The following TTN variants were observed in gnomAD, a reference collection of about 807,000 sequenced individuals.
TTN encodes titin.
TTN carries 1,525 observed loss-of-function variants against 3,223.0 expected under a neutral mutation model. That is an observed-to-expected ratio of 0.47 (90% CI 0.45 to 0.49). The LOEUF is 0.49. TTN is among the 20% of genes least tolerant of loss of function. TTN has a pLI of 0.00. For synonymous variants in TTN, 14,094 were observed against 15,161.0 expected, an observed-to-expected ratio of 0.93 and a Z score of 5.17; for missense variants, 40,786 against 43,424.0, an observed-to-expected ratio of 0.94 and a Z score of 5.40.
In TTN at chr2:178,766,424, A is replaced by G. The variant is rs879006836; in HGVS notation, c.9660T>C (p.Phe3220=). The change falls in exon 41 of 363, where the codon TTT becomes TTC. Residue 3220 remains phenylalanine (F), a synonymous_variant. Coordinates refer to ENST00000589042, the MANE Select transcript of TTN (RefSeq NM_001267550.2). ...CAGAACTCCTGTTCCTTCCTGCCAC[A>G]AAGGTGTATTCTCCTGCATCGCTCT... ...TRQSDAGEYT[F]VAGRNRSSVT... The G allele has an allele frequency of 6.2e-7, 1 of 1,614,028 alleles. No individual in the cohort carries two copies. The highest frequency in any genetic ancestry group is 1.3e-5 in the African/African-American group (1 of 74,936).
Position 178,759,031 on chromosome 2 carries a change from C to T in TTN, c.10256G>A (p.Ser3419Asn), listed in dbSNP as rs2291310. The T allele has an allele frequency of 0.9, 1,454,034 of 1,613,868 alleles. 659,693 individuals are homozygous for T. Among genetic ancestry groups the T allele is most frequent in the Non-Finnish European group, 0.93 (1,098,831 of 1,179,896 alleles). The change falls in exon 44 of 363, where the codon AGT (serine) becomes AAT (asparagine). Residue 3419 changes from serine to asparagine, a missense_variant. By Grantham distance (46) the Ser-to-Asn change is conservative (BLOSUM62 1). Coordinates refer to ENST00000589042, the MANE Select transcript of TTN (RefSeq NM_001267550.2). ...GCTTGATACTTGGCCTACAGCATTA[C>T]TAGCAACAAACGTGTAAGTTCCTTC... ...EDEGTYTFVA[S>N]NAVGQVSSTA...
In TTN at chr2:178,605,631, A is replaced by C; in HGVS notation, c.53664T>G (p.Ser17888Arg). 6.2e-7 allele frequency: 1 copy of C among 1,612,046 alleles called. No homozygotes were observed. The highest frequency in any genetic ancestry group is 8.5e-7 in the Non-Finnish European group (1 of 1,178,682). Residue 17888 changes from serine (S) to arginine (R), a missense_variant, in exon 279 of 363, where the codon AGT becomes AGG. Transcript: ENST00000589042. Reference protein sequence around the residue: ...TITLDWKEPRSNGGSPIQGYI... With the variant: ...TITLDWKEPRRNGGSPIQGYI... ...ATCCTTGGATGGGACTGCCACCATT[A>C]CTGCGGGGCTCTTTCCAGTCAAGTG...
rs1336451083 is a variant in TTN at position 178,554,434 on chromosome 2, T to C, written c.88894+19A>G. 1 of 1,605,918 alleles carries C rather than the reference T, an allele frequency of 6.2e-7. No individual in the cohort carries two copies. Among genetic ancestry groups the C allele is most frequent in the East Asian group, 2.2e-5 (1 of 44,606 alleles). ...TTAAATTTTTCACGTTTCAGTTTTC[T>C]AATGAAATCATGTCTCACCAAATGC... is the stretch of plus-strand genomic sequence containing the variant. On this transcript the variant is annotated intron_variant, in intron 332 of 362. Coordinates refer to ENST00000589042, the MANE Select transcript of TTN (RefSeq NM_001267550.2).
chr2:178,768,131 T>C lies in TTN; in HGVS notation c.9188A>G (p.His3063Arg), dbSNP rs762023362. 2.5e-6 allele frequency: 4 copies of C among 1,614,104 alleles called. No individual in the cohort carries two copies. Among genetic ancestry groups the C allele is most frequent in the Admixed American group, 1.7e-5 (1 of 60,016 alleles). The change falls in exon 39 of 363, where the codon CAC becomes CGC. Residue 3063 changes from histidine (H) to arginine (R), a missense_variant. His to Arg is a conservative substitution (Grantham distance 29). Coordinates refer to ENST00000589042, the MANE Select transcript of TTN (RefSeq NM_001267550.2). ...CTCCAGTACCTTAATGTCCTTAATG[T>C]GTTTCCTAAATTCTATATGACGAGC... ...VEARHIEFRK[H>R]IKDIKVLEKK...
At position 178,672,437 on chromosome 2, in the gene TTN, G is replaced by A. The variant is rs2067171336; in HGVS notation, c.34900C>T (p.Pro11634Ser). ...KKVPEKKVLV[P>S]KKEAVPPAKG... Reference sequence around the variant, plus strand: ...GCTGGGGGAACAGCTTCCTTTTTAGGCACAAGGACTTTCTTTTCTGGGACT... The same window carrying A: ...GCTGGGGGAACAGCTTCCTTTTTAGACACAAGGACTTTCTTTTCTGGGACT... The change falls in exon 154 of 363, where the codon CCT (proline) becomes TCT (serine). Residue 11634 changes from proline (P) to serine (S), a missense_variant. By Grantham distance (74) the Pro-to-Ser change is moderately conservative. Transcript: ENST00000589042. 1 of 1,596,844 alleles carries A rather than the reference G, an allele frequency of 6.3e-7. No homozygotes were observed. The highest frequency in any genetic ancestry group is 1.2e-5 in the South Asian group (1 of 86,430).
intron 33 of TTN, among the ~76,000 whole-genome samples, chr2:178,772,309 T>C (rs1445712291): frequency 1.3e-5 from 2 of 152,184 alleles, no homozygotes; most frequent in African/African-American, 2.4e-5. Context: ...GAAACTTTCA[T>C]ACCAAATAAG....
intron 40 of TTN, among the ~76,000 whole-genome samples, chr2:178,767,142 G>C (rs539828701): frequency 2.0e-5 from 3 of 152,118 alleles, no homozygotes; most frequent in Non-Finnish European, 4.4e-5. Context: ...TGTAAAGCCT[G>C]GTTTTCTTTG....
chr2:178,598,348 T>A (rs967351510), intron 292 of TTN, among the ~76,000 whole-genome samples, 158 bp downstream of exon 292: 1 of 152,138 alleles, frequency 6.6e-6, no homozygotes, highest in Non-Finnish European at 1.5e-5. Context: ...TTGATTCGAT[T>A]TCTGACATTA....
intron 216 of TTN, among the ~76,000 whole-genome samples, 161 bp downstream of exon 216, chr2:178,646,324 C>A (rs1032156021): frequency 6.6e-6 from 1 of 150,994 alleles, no homozygotes; most frequent in Non-Finnish European, 1.5e-5. Flanking sequence ...AGAAACAGTA[C>A]AAGTTACATG....
intron 236 of TTN, among the ~76,000 whole-genome samples, 158 bp downstream of exon 236, chr2:178,631,989 T>C (rs1239665452): frequency 3.3e-5 from 5 of 152,092 alleles, no homozygotes; most frequent in Admixed American, 3.3e-4. Context: ...GAAGGTAAAG[T>C]GTTTTAGAAA....
chr2:178,577,127 A>G lies in TTN; in HGVS notation c.69208T>C (p.Ser23070Pro). Residue 23070 changes from serine (S) to proline (P), a missense_variant, in exon 324 of 363, where the codon TCA becomes CCA. Ser to Pro is a moderately conservative substitution (Grantham distance 74). Coordinates refer to ENST00000589042, the MANE Select transcript of TTN (RefSeq NM_001267550.2). ...TWTPPLEDGGSPIKSYILEKR... is the reference protein window; with the variant it reads ...TWTPPLEDGGPPIKSYILEKR... ...TCAAGTATATAGGACTTAATTGGTG[A>G]GCCGCCATCTTCCAAGGGAGGTGTC... is the stretch of plus-strand genomic sequence containing the variant. 2 of 1,613,198 alleles carry G rather than the reference A, an allele frequency of 1.2e-6. No individual in the cohort carries two copies. The highest frequency in any genetic ancestry group is 1.1e-5 in the South Asian group (1 of 91,050).
chr2:178,654,135 A>C, intron 193 of TTN, 40 bp from the exon 194 acceptor site: 3 of 1,595,176 alleles, frequency 1.9e-6, no homozygotes, highest in Non-Finnish European at 1.7e-6. Context: ...ATGAATGGCG[A>C]AGGTATATAT....
intron 126 of TTN, 149 bp downstream of exon 126, chr2:178,688,528 G>A (rs967666711): frequency 1.5e-6 from 1 of 658,950 alleles, no homozygotes; most frequent in African/African-American, 1.8e-5. Flanking sequence ...GTCCCAGAAG[G>A]CTACAAAAGG....
At chr2:178,685,709 G>A in intron 127 of TTN, 111 bp from the exon 128 acceptor site, 2 of 981,560 alleles carry the variant, frequency 2.0e-6, no homozygotes, top group Non-Finnish European at 3.0e-6. Flanking sequence ...TTTAACCCTT[G>A]CCAAACCCCT....
In TTN at chr2:178,618,939, T is replaced by C. The variant is rs185172355; in HGVS notation, c.46697-86A>G. 1.8e-4 allele frequency: 267 copies of C among 1,506,972 alleles called. 1 individual carries two copies. The highest frequency in any genetic ancestry group is 3.1e-5 in the Non-Finnish European group (35 of 1,131,202). 93.4% of individuals were successfully genotyped at this position (1,506,972 alleles called of 1,614,324 possible). On this transcript the variant is annotated intron_variant, in intron 250 of 362. Coordinates refer to ENST00000589042, the MANE Select transcript of TTN (RefSeq NM_001267550.2). ...GTTATTATGCATTTATTAGAAAATA[T>C]TGGTTACATAACCTTGGAAGTAAGC...
rs867642789 is a variant in TTN at position 178,719,658 on chromosome 2, G to C, written c.23834C>G (p.Ser7945Cys). ...HHITFINKVASLKIPCAEMSD... is the reference protein window; with the variant it reads ...HHITFINKVACLKIPCAEMSD... ...CATTTCGGCACAGGGGATTTTAAGGGAAGCCACTTTATTGATGAATGTAAT... is the reference window on the plus strand; with the variant it reads ...CATTTCGGCACAGGGGATTTTAAGGCAAGCCACTTTATTGATGAATGTAAT... The change falls in exon 82 of 363, where the codon TCC (serine) becomes TGC (cysteine). Residue 7945 changes from serine (S) to cysteine (C), a missense_variant. Transcript: ENST00000589042. 1.1e-5 allele frequency: 18 copies of C among 1,613,576 alleles called. No individual in the cohort carries two copies. In the East Asian group the frequency reaches 4.0e-4, roughly 36 times the overall value.
intron 47 of TTN, chr2:178,750,588 G>C (rs760239025): frequency 1.2e-6 from 2 of 1,612,268 alleles, no homozygotes; most frequent in South Asian, 2.2e-5. Context: ...CGTTGTGGGC[G>C]TTTTCGAAAA....
chr2:178,649,796 T>C (rs764898260), intron 211 of TTN, 21 bp downstream of exon 211: 6 of 1,600,748 alleles, frequency 3.7e-6, no homozygotes, highest in Non-Finnish European at 5.1e-6. Flanking sequence ...AAAAATGAAG[T>C]ATTCATTTTA....
chr2:178,549,561 C>T lies in TTN; in HGVS notation c.92152+9G>A. Reference sequence around the variant, plus strand: ...GACATAGTACCGCTTAGTAAAAACGCAAACTTACTATATTGTATTTGAGCA... The same window carrying T: ...GACATAGTACCGCTTAGTAAAAACGTAAACTTACTATATTGTATTTGAGCA... On this transcript the variant is annotated intron_variant, in intron 338 of 362. Transcript: ENST00000589042. 9.3e-6 allele frequency: 15 copies of T among 1,606,682 alleles called. No individual in the cohort carries two copies. Among genetic ancestry groups the T allele is most frequent in the Non-Finnish European group, 1.3e-5 (15 of 1,174,474 alleles).
Sources: gnomAD v4.1 joint callset for allele counts (sites outside exome capture counted in the v4.1 genomes callset) on GRCh38, gnomAD v4.1.1 for gene constraint, MANE v1.5 for transcripts, NCBI Gene and HGNC (gene_info 2026-07-23, HGNC 2026-07-21) for gene names.